The following APOLD1 variants were observed in gnomAD, a reference collection of about 807,000 sequenced individuals.
APOLD1 encodes the protein apolipoprotein L domain-containing protein 1.
APOLD1 carries 22 observed loss-of-function variants against 15.3 expected under a neutral mutation model. That is an observed-to-expected ratio of 1.44 (90% CI 1.03 to 2.05). The LOEUF (loss-of-function observed/expected upper bound fraction) is 2.05. Ranked by LOEUF, APOLD1 falls within the 30% of genes most tolerant of loss-of-function variation. APOLD1 has a pLI of 0.00. For synonymous variants in APOLD1, 190 were observed against 167.4 expected, an observed-to-expected ratio of 1.13 and a Z score of -1.04; for missense variants, 394 against 353.5, an observed-to-expected ratio of 1.11 and a Z score of -0.92.
intron 1 of APOLD1, chr12:12,764,582 CTA>C: frequency 3.2e-6 from 1 of 313,648 alleles, no homozygotes; most frequent in South Asian, 3.1e-5. Context: ...TTCTAACTTT[CTA>C]TATTTTAATT....
intron 1 of APOLD1, among the ~76,000 whole-genome samples, chr12:12,763,499 T>C (rs923331519): frequency 7.0e-5 from 9 of 128,026 alleles, no homozygotes; most frequent in African/African-American, 2.3e-4. Context: ...AACCAGAAAT[T>C]GAAAATATTG....
intron 1 of APOLD1, among the ~76,000 whole-genome samples, chr12:12,745,553 G>A (rs972980272): frequency 3.3e-5 from 5 of 152,044 alleles, no homozygotes; most frequent in African/African-American, 1.2e-4. Context: ...GAAGAGAAGA[G>A]GAAGGAGACA....
chr12:12,732,676 G>T (rs1242568560), intron 1 of APOLD1, among the ~76,000 whole-genome samples: 2 of 143,834 alleles, frequency 1.4e-5, no homozygotes, highest in Non-Finnish European at 1.5e-5. Context: ...AGTGAGCAGA[G>T]ATTACACTAC....
At chr12:12,731,098 A>G (rs545214387) in intron 1 of APOLD1, among the ~76,000 whole-genome samples, 454 of 152,138 alleles carry the variant, frequency 3.0e-3, no homozygotes, top group Non-Finnish European at 4.3e-3. Context: ...CCGAGATCGC[A>G]CCACTGCACT....
chr12:12,762,339 T>A (rs1946907600), intron 1 of APOLD1, among the ~76,000 whole-genome samples: 1 of 152,082 alleles, frequency 6.6e-6, no homozygotes, highest in Non-Finnish European at 1.5e-5. Flanking sequence ...CCTGACTTTT[T>A]AAAATTAATT....
chr12:12,750,233 G>A (rs896975401), intron 1 of APOLD1, among the ~76,000 whole-genome samples: 1 of 152,076 alleles, frequency 6.6e-6, no homozygotes, highest in Non-Finnish European at 1.5e-5. Context: ...TTAACTGGGT[G>A]TGGTGGCACA....
intron 1 of APOLD1, among the ~76,000 whole-genome samples, chr12:12,741,187 A>C (rs1946727446): frequency 6.6e-6 from 1 of 152,158 alleles, no homozygotes; most frequent in Non-Finnish European, 1.5e-5. Context: ...TATCTGTTGC[A>C]AACTGTCATA....
chr12:12,751,837 A>G (rs1453752862), intron 1 of APOLD1, among the ~76,000 whole-genome samples: 1 of 152,240 alleles, frequency 6.6e-6, no homozygotes, highest in Non-Finnish European at 1.5e-5. Context: ...AATATAATCC[A>G]TTGATCTCTA....
chr12:12,782,430 C>G (rs1273410476), upstream of APOLD1, among the ~76,000 whole-genome samples: 1 of 152,140 alleles, frequency 6.6e-6, no homozygotes, highest in Non-Finnish European at 1.5e-5. Context: ...GCTTAAAAAG[C>G]TCTTTCTCGT....
intron 1 of APOLD1, among the ~76,000 whole-genome samples, chr12:12,764,290 T>C (rs982261850): frequency 6.6e-6 from 1 of 152,204 alleles, no homozygotes; most frequent in African/African-American, 2.4e-5. Context: ...ATAGTTACCA[T>C]GTTGTACAAA....
At chr12:12,750,121 C>T (rs1946798998) in intron 1 of APOLD1, among the ~76,000 whole-genome samples, 1 of 152,000 alleles carries the variant, frequency 6.6e-6, no homozygotes, top group Admixed American at 6.6e-5. Context: ...GCCTGTAATC[C>T]CAGCATTTTG....
intron 1 of APOLD1, among the ~76,000 whole-genome samples, chr12:12,767,227 CAG>C (rs775635501): frequency 4.6e-5 from 7 of 151,932 alleles, no homozygotes; most frequent in Non-Finnish European, 8.8e-5. Flanking sequence ...GCTTGGGTGA[CAG>C]AGCAAGATTC....
intron 1 of APOLD1, among the ~76,000 whole-genome samples, chr12:12,765,673 C>G (rs1366122019): frequency 1.3e-5 from 2 of 152,126 alleles, no homozygotes; most frequent in Non-Finnish European, 2.9e-5. Context: ...GAATTCAAGA[C>G]CAGCCTGGGC....
intron 1 of APOLD1, among the ~76,000 whole-genome samples, chr12:12,750,269 G>A (rs1592295585): frequency 6.6e-6 from 1 of 151,048 alleles, no homozygotes; most frequent in African/African-American, 2.4e-5. Flanking sequence ...CTACCTGGGA[G>A]GCTGAGGCAG....
rs910952767 is a variant in APOLD1 at position 12,762,645 on chromosome 12, G to A, written c.97-24264G>A. 1.3e-5 allele frequency among the ~76,000 whole-genome samples: 2 copies of A among 151,574 alleles called. 1 individual carries two copies. Among genetic ancestry groups the A allele is most frequent in the South Asian group, 4.2e-4 (2 of 4,792 alleles). ...TGGGATTACAGGTGTGAGCCACCACGCCCAGCCTTACCCTGACTTTTTTCC... is the reference window on the plus strand; with the variant it reads ...TGGGATTACAGGTGTGAGCCACCACACCCAGCCTTACCCTGACTTTTTTCC... On this transcript the variant is annotated intron_variant, in intron 1 of 1. Transcript: ENST00000326765.
chr12:12,775,862 G>A (rs1444399274), intron 1 of APOLD1, among the ~76,000 whole-genome samples: 1 of 151,730 alleles, frequency 6.6e-6, no homozygotes, highest in Non-Finnish European at 1.5e-5. Flanking sequence ...TAATTAGCTG[G>A]GTGTGGGGGT....
intron 1 of APOLD1, among the ~76,000 whole-genome samples, chr12:12,732,475 A>C (rs1187576021): frequency 6.6e-6 from 1 of 152,224 alleles, no homozygotes; most frequent in Non-Finnish European, 1.5e-5. Flanking sequence ...CTGTAATCCC[A>C]GGACTTTGGG....
At chr12:12,742,841 T>G (rs1286996933) in intron 1 of APOLD1, among the ~76,000 whole-genome samples, 1 of 151,970 alleles carries the variant, frequency 6.6e-6, no homozygotes, top group East Asian at 1.9e-4. Context: ...CTCGGCTTAC[T>G]GCAGCCTTGA....
At chr12:12,779,485 G>A (rs1947063112) in intron 1 of APOLD1, among the ~76,000 whole-genome samples, 1 of 152,094 alleles carries the variant, frequency 6.6e-6, no homozygotes, top group Admixed American at 6.5e-5. Flanking sequence ...TCTTACAAAA[G>A]CTGGTGGCAT....
Sources: allele counts gnomAD v4.1 joint callset (sites outside exome capture counted in the v4.1 genomes callset), GRCh38; gene constraint gnomAD v4.1.1; transcripts MANE v1.5; gene names NCBI Gene and HGNC (gene_info 2026-07-23, HGNC 2026-07-21).